Variants in KHDRBS2 observed in about 807,000 individuals in gnomAD.
The protein encoded by KHDRBS2 is KH domain-containing, RNA-binding, signal transduction-associated protein 2.
KHDRBS2 carries 26 observed loss-of-function variants against 44.3 expected under a neutral mutation model. The ratio of observed to expected loss-of-function variants is 0.59; its 90% CI spans 0.43 to 0.81. KHDRBS2 has a LOEUF of 0.81. KHDRBS2 is among the 40% of genes least tolerant of loss of function. The pLI is 0.00. For missense variants in KHDRBS2, 476 were observed against 433.1 expected, an observed-to-expected ratio of 1.10 and a Z score of -0.88; for synonymous variants, 194 against 151.1, an observed-to-expected ratio of 1.28 and a Z score of -2.08.
At chr6:61,829,600 A>G (rs1346497744) in intron 6 of KHDRBS2, among the ~76,000 whole-genome samples, 1 of 152,222 alleles carries the variant, frequency 6.6e-6, no homozygotes, top group African/African-American at 2.4e-5. Context: ...TATTAAAACT[A>G]TTTATCAGCA....
chr6:61,682,421 T>G (rs926603343), intron 8 of KHDRBS2, among the ~76,000 whole-genome samples: 3 of 151,836 alleles, frequency 2.0e-5, no homozygotes, highest in East Asian at 1.9e-4. Context: ...AAGAAAGAAA[T>G]AAATATAACA....
At chr6:61,670,617 C>T in the KHDRBS2 span, among the ~76,000 whole-genome samples, 1 of 151,388 alleles carries the variant, frequency 6.6e-6, no homozygotes, top group Non-Finnish European at 1.5e-5. Flanking sequence ...CAGTCACAGA[C>T]TTTATTTAAT....
chr6:62,151,933 G>A (rs1046543203), intron 2 of KHDRBS2, among the ~76,000 whole-genome samples: 1 of 152,060 alleles, frequency 6.6e-6, no homozygotes, highest in African/African-American at 2.4e-5. Context: ...AGATTGCCTG[G>A]GTTTAAGAAC....
intron 6 of KHDRBS2, among the ~76,000 whole-genome samples, chr6:61,854,380 C>T (rs2082798969): frequency 6.6e-6 from 1 of 151,944 alleles, no homozygotes; most frequent in Admixed American, 6.6e-5. Flanking sequence ...ATTAAAATAA[C>T]TAAATGTATA....
At chr6:62,209,927 C>T (rs979228216) in intron 1 of KHDRBS2, among the ~76,000 whole-genome samples, 1 of 152,164 alleles carries the variant, frequency 6.6e-6, no homozygotes, top group Non-Finnish European at 1.5e-5. Context: ...GCACTATTGG[C>T]TTCCCTACTT....
intron 3 of KHDRBS2, among the ~76,000 whole-genome samples, chr6:61,982,214 A>AAT (rs34900603): frequency 0.56 from 83,612 of 149,714 alleles, 23,760 homozygotes; most frequent in South Asian, 0.65. Context: ...AGTCACTGCA[A>AAT]ATATATATAT....
At chr6:61,900,658 C>T (rs986097963) in intron 5 of KHDRBS2, among the ~76,000 whole-genome samples, 2 of 152,172 alleles carry the variant, frequency 1.3e-5, no homozygotes, top group African/African-American at 4.8e-5. Context: ...AATATCCTTA[C>T]CATCAGCCAT....
rs143351212 is a variant in KHDRBS2, at chr6:61,718,118, C to T, written c.893+14564G>A. Reference sequence around the variant, plus strand: ...GGATTAAATGAGATAAAACACCTCCCAACACTTAGCGTAGCAGCTAGCACA... The same window carrying T: ...GGATTAAATGAGATAAAACACCTCCTAACACTTAGCGTAGCAGCTAGCACA... On this transcript the variant is annotated intron_variant, in intron 7 of 8. Coordinates refer to ENST00000281156, the MANE Select transcript of KHDRBS2 (RefSeq NM_152688.4). Among the ~76,000 whole-genome samples, 3 of 152,106 alleles carry T rather than the reference C, an allele frequency of 2.0e-5. No homozygotes were observed. The East Asian group carries it at 5.8e-4, about 30-fold the overall frequency.
chr6:62,165,416 ATTG>A (rs552564366), intron 2 of KHDRBS2, among the ~76,000 whole-genome samples: 2 of 149,160 alleles, frequency 1.3e-5, no homozygotes, highest in South Asian at 4.2e-4. Context: ...ATTTATTCAT[ATTG>A]TTGTTAATAT....
At chr6:61,674,893 T>A in the KHDRBS2 span, among the ~76,000 whole-genome samples, 1 of 151,742 alleles carries the variant, frequency 6.6e-6, no homozygotes, top group Non-Finnish European at 1.5e-5. Flanking sequence ...AGGAGTAACA[T>A]TTTAAAATTT....
intron 6 of KHDRBS2, among the ~76,000 whole-genome samples, chr6:61,826,173 G>T (rs138196894): frequency 3.3e-5 from 5 of 152,098 alleles, no homozygotes; most frequent in African/African-American, 1.2e-4. Flanking sequence ...GGTTTTATGG[G>T]CATATTTTAG....
chr6:61,619,688 A>T, the KHDRBS2 span, among the ~76,000 whole-genome samples: 4 of 151,422 alleles, frequency 2.6e-5, no homozygotes, highest in East Asian at 5.8e-4. Flanking sequence ...TCCTGACCTC[A>T]GGTGATCCAC....
intron 6 of KHDRBS2, among the ~76,000 whole-genome samples, chr6:61,773,161 T>C (rs994217593): frequency 3.9e-5 from 6 of 151,904 alleles, no homozygotes; most frequent in Non-Finnish European, 8.8e-5. Flanking sequence ...TACCCAGTAA[T>C]GGGATGGCTG....
chr6:62,014,697 T>C (rs1282356620), intron 3 of KHDRBS2, among the ~76,000 whole-genome samples: 1 of 152,152 alleles, frequency 6.6e-6, no homozygotes, highest in Non-Finnish European at 1.5e-5. Flanking sequence ...TTAAATAATA[T>C]TCAACACTTA....
At chr6:61,870,438 T>TG (rs750295968) in intron 6 of KHDRBS2, among the ~76,000 whole-genome samples, 2 of 152,114 alleles carry the variant, frequency 1.3e-5, no homozygotes, top group Non-Finnish European at 2.9e-5. Context: ...ACAGAGCACC[T>TG]GGGGGAAGGA....
downstream of KHDRBS2, among the ~76,000 whole-genome samples, chr6:61,676,425 AT>A (rs892007300): frequency 6.6e-6 from 1 of 151,732 alleles, no homozygotes; most frequent in Non-Finnish European, 1.5e-5. Context: ...TCAGGGATTT[AT>A]TTTTCCCCTT....
chr6:61,995,117 C>G (rs2127253086), intron 3 of KHDRBS2, among the ~76,000 whole-genome samples: 1 of 152,018 alleles, frequency 6.6e-6, no homozygotes, highest in East Asian at 1.9e-4. Flanking sequence ...TTTATCATGG[C>G]CTACAAAGCA....
chr6:62,256,587 C>T (rs2083252625), intron 1 of KHDRBS2, among the ~76,000 whole-genome samples: 1 of 151,976 alleles, frequency 6.6e-6, no homozygotes, highest in Admixed American at 6.6e-5. Context: ...GAACTGAGTC[C>T]ATTAAACCTC....
chr6:61,747,535 A>C (rs1310767026), intron 6 of KHDRBS2, among the ~76,000 whole-genome samples: 2 of 152,088 alleles, frequency 1.3e-5, no homozygotes. Context: ...ACATTATTTC[A>C]CACAACTATC....
Sources: gnomAD v4.1 joint callset for allele counts (sites outside exome capture counted in the v4.1 genomes callset) on GRCh38, gnomAD v4.1.1 for gene constraint, MANE v1.5 for transcripts, NCBI Gene and HGNC (gene_info 2026-07-23, HGNC 2026-07-21) for gene names.